Variants in FTO observed in about 807,000 individuals in gnomAD.
FTO encodes the protein alpha-ketoglutarate-dependent dioxygenase FTO.
FTO carries 47 observed loss-of-function variants against 63.9 expected under a neutral mutation model. That is an observed-to-expected ratio of 0.74 (90% CI 0.58 to 0.94). FTO has a LOEUF of 0.94. Among genes scored for constraint, FTO ranks in the 40% least tolerant of loss-of-function variants. FTO has a pLI of 0.00. For synonymous variants in FTO, 207 were observed against 224.4 expected (o/e 0.92, Z 0.69); for missense variants, 562 against 618.1 (o/e 0.91, Z 0.96).
chr16:53,884,225 G>A (rs1354879167), intron 6 of FTO, among the ~76,000 whole-genome samples: 1 of 152,162 alleles, frequency 6.6e-6, no homozygotes, highest in Non-Finnish European at 1.5e-5. Context: ...AAAGGTTCTT[G>A]TTTAATTATA....
chr16:53,916,294 C>T (rs1158466791), intron 7 of FTO, among the ~76,000 whole-genome samples: 1 of 152,136 alleles, frequency 6.6e-6, no homozygotes, highest in African/African-American at 2.4e-5. Context: ...CCTATTACTG[C>T]TTATGATGAA....
rs397716766 is a variant in FTO, at chr16:53,783,604, T to TATCAAA, written c.46-26535_46-26534insTCAAAA. Among the ~76,000 whole-genome samples the TATCAAA allele has an allele frequency of 5.1e-3, 349 of 68,116 alleles. 39 individuals carry two copies. The highest frequency in any genetic ancestry group is 0.011 in the African/African-American group (192 of 16,856). The allele number at this position is 68,116 out of a possible 152,430, so 44.7% of individuals were successfully genotyped here. A position where few individuals can be genotyped will look rare whatever the true frequency, so the allele number is the denominator to read the frequency against. On this transcript the variant is annotated intron_variant, in intron 1 of 8. Transcript: ENST00000471389. ...GCCTGGGTGACAGAGCAAGACTCCA[T>TATCAAA]AAAAAAAAAAAAAAAAAAAAAAAGT...
At chr16:53,964,748 T>C (rs1035665435) in intron 8 of FTO, among the ~76,000 whole-genome samples, 3 of 152,206 alleles carry the variant, frequency 2.0e-5, no homozygotes, top group African/African-American at 7.2e-5. Flanking sequence ...TCATAGAAAA[T>C]AATGAATCAT....
intron 8 of FTO, chr16:53,937,379 TAGCTTTTAA>T: frequency 5.0e-6 from 2 of 397,444 alleles, no homozygotes; most frequent in Non-Finnish European, 8.9e-6. Context: ...CAGCTTGTTA[TAGCTTTTAA>T]AGAACTGGGC....
chr16:54,077,703 A>T (rs1196205003), intron 8 of FTO, among the ~76,000 whole-genome samples: 1 of 152,124 alleles, frequency 6.6e-6, no homozygotes, highest in African/African-American at 2.4e-5. Context: ...AAATGCAGAG[A>T]GGAAAGAATG....
intron 7 of FTO, among the ~76,000 whole-genome samples, chr16:53,912,980 C>G (rs1217311156): frequency 1.3e-5 from 2 of 152,180 alleles, no homozygotes; most frequent in African/African-American, 4.8e-5. Context: ...TAAACTGCTT[C>G]TGTTCTGTGT....
chr16:53,801,689 G>A (rs1230313052), intron 1 of FTO, among the ~76,000 whole-genome samples: 1 of 149,704 alleles, frequency 6.7e-6, no homozygotes, highest in Non-Finnish European at 1.5e-5. Flanking sequence ...ATACATTATA[G>A]CATTTCCCCA....
At chr16:54,031,488 CG>C (rs1188695211) in intron 8 of FTO, among the ~76,000 whole-genome samples, 3 of 151,938 alleles carry the variant, frequency 2.0e-5, no homozygotes, top group Admixed American at 2.0e-4. Context: ...TGAAATAGCA[CG>C]GGCGTCAAAA....
chr16:53,973,196 T>C (rs1282651692), intron 8 of FTO, among the ~76,000 whole-genome samples: 1 of 152,200 alleles, frequency 6.6e-6, no homozygotes, highest in South Asian at 2.1e-4. Flanking sequence ...TTATTTTTGC[T>C]GCTGGGCTCC....
At chr16:53,895,166 G>T (rs1334578650) in intron 7 of FTO, among the ~76,000 whole-genome samples, 1 of 152,154 alleles carries the variant, frequency 6.6e-6, no homozygotes, top group East Asian at 1.9e-4. Context: ...CATCTGGGGA[G>T]AAATTTTACA....
At chr16:53,780,280 C>G (rs1199994155) in intron 1 of FTO, among the ~76,000 whole-genome samples, 2 of 152,020 alleles carry the variant, frequency 1.3e-5, no homozygotes, top group African/African-American at 4.8e-5. Context: ...GCCTTTGTAC[C>G]AGCTGTTCTT....
chr16:53,843,694 T>G (rs1411157796), intron 3 of FTO, among the ~76,000 whole-genome samples: 1 of 152,230 alleles, frequency 6.6e-6, no homozygotes, highest in Non-Finnish European at 1.5e-5. Flanking sequence ...CCCTTTGGTC[T>G]TTTTATTTAT....
intron 3 of FTO, 94 bp downstream of exon 3, chr16:53,826,585 G>A: frequency 8.3e-7 from 1 of 1,201,944 alleles, no homozygotes. Context: ...ACATGAACAT[G>A]TTTGCATGTG....
intron 2 of FTO, 125 bp from the exon 3 acceptor site, chr16:53,825,739 A>G (rs2078987279): frequency 2.9e-6 from 3 of 1,047,254 alleles, no homozygotes; most frequent in Non-Finnish European, 4.4e-6. Context: ...TGTGACTCCT[A>G]TTTAGAAATA....
chr16:54,060,161 A>G (rs2085536371), intron 8 of FTO, among the ~76,000 whole-genome samples: 1 of 152,170 alleles, frequency 6.6e-6, no homozygotes, highest in Non-Finnish European at 1.5e-5. Context: ...AGAATTAAGG[A>G]TAGTGATGGT....
chr16:53,831,963 G>A (rs1191095310), intron 3 of FTO, among the ~76,000 whole-genome samples: 1 of 152,164 alleles, frequency 6.6e-6, no homozygotes, highest in African/African-American at 2.4e-5. Context: ...GAGTGAGATG[G>A]GGAGCCACTG....
At chr16:53,724,724 A>C (rs530545240) in intron 1 of FTO, among the ~76,000 whole-genome samples, 1 of 152,144 alleles carries the variant, frequency 6.6e-6, no homozygotes, top group Non-Finnish European at 1.5e-5. Flanking sequence ...TGACCATTTC[A>C]TGTCTGGTCA....
intron 8 of FTO, among the ~76,000 whole-genome samples, chr16:53,976,740 T>A (rs184105141): frequency 6.6e-6 from 1 of 152,276 alleles, no homozygotes; most frequent in Admixed American, 6.5e-5. Context: ...TCTTTTGTGT[T>A]CTTAAATGAG....
At chr16:54,066,329 G>A (rs752824520) in intron 8 of FTO, among the ~76,000 whole-genome samples, 4 of 152,162 alleles carry the variant, frequency 2.6e-5, no homozygotes, top group Admixed American at 6.5e-5. Flanking sequence ...CAGCTGACAA[G>A]TGACACAACT....
Sources: gnomAD v4.1 joint callset for allele counts (sites outside exome capture counted in the v4.1 genomes callset) on GRCh38, gnomAD v4.1.1 for gene constraint, MANE v1.5 for transcripts, NCBI Gene and HGNC (gene_info 2026-07-23, HGNC 2026-07-21) for gene names.